TPP2: variants seen among roughly 807,000 people sequenced by gnomAD.
TPP2 encodes tripeptidyl-peptidase 2.
A neutral mutation model predicts 155.9 loss-of-function variants in TPP2; 34 were observed. The observed-to-expected ratio is 0.22, with a 90% CI of 0.17 to 0.29. The LOEUF (loss-of-function observed/expected upper bound fraction) is 0.29, where lower values mean the gene tolerates loss of function less well. TPP2 is among the 10% of genes least tolerant of loss of function. The pLI is 1.00. For synonymous variants in TPP2, 510 were observed against 529.4 expected (o/e 0.96, Z 0.50); for missense variants, 1,028 against 1,522.3 (o/e 0.68, Z 5.40).
intron 25 of TPP2, among the ~76,000 whole-genome samples, chr13:102,659,075 G>A (rs931625450): frequency 2.0e-5 from 3 of 152,328 alleles, no homozygotes; most frequent in Admixed American, 6.5e-5. Context: ...GGCCTAAGGA[G>A]TTCATAAAAC....
At chr13:102,606,891 A>T (rs965294883) in intron 2 of TPP2, among the ~76,000 whole-genome samples, 2 of 152,116 alleles carry the variant, frequency 1.3e-5, no homozygotes, top group African/African-American at 4.8e-5. Context: ...AAATTCATAC[A>T]TTGAAGCCCT....
chr13:102,625,630 C>T (rs1881561027), intron 6 of TPP2, among the ~76,000 whole-genome samples: 1 of 152,184 alleles, frequency 6.6e-6, no homozygotes, highest in African/African-American at 2.4e-5. Flanking sequence ...GAAAAAATCA[C>T]ATTAAACTTG....
At position 102,648,948 on chromosome 13, in the gene TPP2, A is replaced by G. The variant is rs754371042; in HGVS notation, c.2670A>G (p.Leu890=). The part of the protein sequence containing the change: ...KLEKGDYTIR[L]QIRHEQISDL... The stretch of plus-strand genomic sequence containing the variant: ...AGAAAGGAGATTATACAATTCGACT[A>G]CAGATTCGCCATGAGCAAATCAGTG... Residue 890 remains leucine (L), a synonymous_variant, in exon 22 of 30, where the codon CTA becomes CTG. Transcript: ENST00000376052. 6.2e-7 allele frequency: 1 copy of G among 1,610,704 alleles called. No homozygotes were observed. The highest frequency in any genetic ancestry group is 1.1e-5 in the South Asian group (1 of 90,052).
intron 29 of TPP2, among the ~76,000 whole-genome samples, chr13:102,677,503 C>T (rs915596399): frequency 6.6e-6 from 1 of 152,192 alleles, no homozygotes; most frequent in Non-Finnish European, 1.5e-5. Flanking sequence ...GCCTACCTCT[C>T]CAGACTTATT....
In TPP2 at chr13:102,623,003, C is replaced by T. The variant is rs945024942; in HGVS notation, c.747C>T (p.Tyr249=). The part of the protein sequence containing the change: ...AEMLNYSVNI[Y]DDGNLLSIVT... ...TGTTGAATTACTCCGTTAATATATA[C>T]GATGATGGAAACCTGCTCTCCATTG... The change falls in exon 6 of 30, where the codon TAC becomes TAT. Residue 249 remains tyrosine (Y), a synonymous_variant. Transcript: ENST00000376052. 7 of 1,613,426 alleles carry T rather than the reference C, an allele frequency of 4.3e-6. No individual in the cohort carries two copies. In the African/African-American group the frequency reaches 5.3e-5, roughly 12 times the overall value.
rs772207655 is a variant in TPP2, at chr13:102,647,282, C to T, written c.2566C>T (p.Leu856=). Reference sequence around the variant, plus strand: ...ATATGAATCTGAATTTGACAGCCAACTGTGGATTATTTTTGACCAGAACAA... The same window carrying T: ...ATATGAATCTGAATTTGACAGCCAATTGTGGATTATTTTTGACCAGAACAA... ...LLYESEFDSQ[L]WIIFDQNKRQ... Residue 856 remains leucine, a synonymous_variant, in exon 21 of 30, where the codon CTG becomes TTG. Transcript: ENST00000376052. 31 of 1,613,712 alleles carry T rather than the reference C, an allele frequency of 1.9e-5. No homozygotes were observed. Among genetic ancestry groups the T allele is most frequent in the Admixed American group, 5.0e-5 (3 of 59,944 alleles).
chr13:102,668,287 C>T (rs1884738404), intron 27 of TPP2, among the ~76,000 whole-genome samples: 1 of 152,176 alleles, frequency 6.6e-6, no homozygotes. Context: ...CCCAGCCTTC[C>T]AAGAAGGTTT....
intron 23 of TPP2, among the ~76,000 whole-genome samples, chr13:102,650,029 A>T (rs1273124430): frequency 6.6e-6 from 1 of 152,048 alleles, no homozygotes; most frequent in African/African-American, 2.4e-5. Flanking sequence ...TTCTTTTGGT[A>T]TTGCCTTTTA....
chr13:102,597,381 C>A lies in TPP2; in HGVS notation c.165+178C>A, dbSNP rs533121649. On this transcript the variant is annotated intron_variant, in intron 1 of 29. Transcript: ENST00000376052. ...AGGCGCGGGAGGGACGGGCGCCCGC[C>A]AAGGGGACTCAACGGCGCACAGTGC... is the stretch of plus-strand genomic sequence containing the variant. Among the ~76,000 whole-genome samples the A allele has an allele frequency of 7.2e-5, 11 of 152,262 alleles. No homozygotes were observed. The East Asian group carries it at 2.1e-3, about 30-fold the overall frequency.
At chr13:102,664,737 T>C (rs547440069) in intron 26 of TPP2, 58 bp from the exon 27 acceptor site, 2 of 1,534,398 alleles carry the variant, frequency 1.3e-6, no homozygotes, top group East Asian at 2.3e-5. Flanking sequence ...AGAAGTGAAA[T>C]TGCTTTCGTA....
chr13:102,648,331 G>T (rs1342546567), intron 21 of TPP2, among the ~76,000 whole-genome samples: 1 of 152,082 alleles, frequency 6.6e-6, no homozygotes, highest in Non-Finnish European at 1.5e-5. Flanking sequence ...GGTGCACTAT[G>T]ATTGCACCAG....
intron 10 of TPP2, chr13:102,631,551 G>A (rs1196222035): frequency 1.3e-5 from 2 of 152,190 alleles, no homozygotes; most frequent in Non-Finnish European, 2.9e-5. Context: ...GGAATTTTAA[G>A]TTTTATCTTA....
At chr13:102,599,699 T>G (rs763646567) in intron 1 of TPP2, among the ~76,000 whole-genome samples, 3 of 152,294 alleles carry the variant, frequency 2.0e-5, no homozygotes, top group Admixed American at 6.5e-5. Context: ...CGTAAGTGAT[T>G]TCATATTTCC....
At position 102,651,376 on chromosome 13, in the gene TPP2, A is replaced by G. The variant is rs746635537; in HGVS notation, c.2970A>G (p.Lys990=). The G allele has an allele frequency of 6.3e-7, 1 of 1,583,478 alleles. No homozygotes were observed. The highest frequency in any genetic ancestry group is 8.6e-7 in the Non-Finnish European group (1 of 1,163,824). ...ACTCCCAGGGGCAGTCTGCAGCAAA[A>G]CGACAAGGAAAATTTAAAAAGGTAC... ...LGKKAGQSAA[K]RQGKFKKDVI... The change falls in exon 24 of 30, where the codon AAA becomes AAG. Residue 990 remains lysine, a synonymous_variant. Transcript: ENST00000376052.
chr13:102,627,952 C>T (rs932273766), intron 8 of TPP2, 28 bp downstream of exon 8: 1 of 1,569,276 alleles, frequency 6.4e-7, no homozygotes, highest in Non-Finnish European at 8.7e-7. Context: ...GTTGTTTAGC[C>T]ATAGAACCTT....
intron 19 of TPP2, among the ~76,000 whole-genome samples, chr13:102,645,250 G>GGACATTAA (rs1883028017): frequency 6.6e-6 from 1 of 151,994 alleles, no homozygotes; most frequent in Admixed American, 6.5e-5. Flanking sequence ...GTTAGGATCA[G>GGACATTAA]TGGACATTAA....
intron 25 of TPP2, among the ~76,000 whole-genome samples, chr13:102,660,224 A>G (rs1449079900): frequency 6.6e-6 from 1 of 152,166 alleles, no homozygotes; most frequent in African/African-American, 2.4e-5. Context: ...AAATCATTAA[A>G]TAAATTTAAA....
At position 102,631,141 on chromosome 13, in the gene TPP2, A is replaced by G. The variant is rs1200970125; in HGVS notation, c.1244+946A>G. On this transcript the variant is annotated intron_variant, in intron 10 of 29. Coordinates refer to ENST00000376052, the MANE Select transcript of TPP2 (RefSeq NM_001330588.2). ...TCAGTGTAAAGTTTTTTGAGGACAT[A>G]ACTAGTAACTGAGTATGTTTGAAGT... 3 of 152,240 alleles carry G rather than the reference A, an allele frequency of 2.0e-5. No homozygotes were observed. The South Asian group carries it at 6.2e-4, about 32-fold the overall frequency. The allele number at this position is 152,240 out of a possible 1,614,324, so 9.4% of individuals were successfully genotyped here. A position where few individuals can be genotyped will look rare whatever the true frequency, so the allele number is the denominator to read the frequency against.
rs569164517 is a variant in TPP2 at position 102,629,731 on chromosome 13, A to G, written c.1144+122A>G. ...CACTGTACACCTTAAGTGTGTCCTC[A>G]GGAAACTTATAGTCTGGTAGGGGAA... is the stretch of plus-strand genomic sequence containing the variant. On this transcript the variant is annotated intron_variant, in intron 9 of 29. Coordinates refer to ENST00000376052, the MANE Select transcript of TPP2 (RefSeq NM_001330588.2). 19 of 1,320,712 alleles carry G rather than the reference A, an allele frequency of 1.4e-5. No individual in the cohort carries two copies. In the East Asian group the frequency reaches 5.4e-4, roughly 37 times the overall value. The allele number at this position is 1,320,712 out of a possible 1,614,324, so 81.8% of individuals were successfully genotyped here.
Sources: gnomAD v4.1 joint callset for allele counts (sites outside exome capture counted in the v4.1 genomes callset) on GRCh38, gnomAD v4.1.1 for gene constraint, MANE v1.5 for transcripts, NCBI Gene and HGNC (gene_info 2026-07-23, HGNC 2026-07-21) for gene names.